CACNA1E: variants seen among roughly 807,000 people sequenced by gnomAD.
CACNA1E encodes the protein voltage-dependent R-type calcium channel subunit alpha-1E.
Under a neutral mutation model 259.2 loss-of-function variants are expected in CACNA1E, and 40 were observed. That is an observed-to-expected ratio of 0.15 (90% CI 0.12 to 0.20). CACNA1E has a LOEUF of 0.20. Ranked by LOEUF, CACNA1E falls within the 10% of genes least tolerant of loss-of-function variation. CACNA1E has a pLI of 1.00. For missense variants in CACNA1E, 1,874 were observed against 3,040.1 expected (o/e 0.62, Z 9.02); for synonymous variants, 1,104 against 1,138.5 (o/e 0.97, Z 0.61).
intron 3 of CACNA1E, among the ~76,000 whole-genome samples, chr1:181,564,080 C>G (rs1359307776): frequency 6.6e-6 from 1 of 152,138 alleles, no homozygotes; most frequent in Non-Finnish European, 1.5e-5. Flanking sequence ...TAGCTGCTGA[C>G]TGATTAGGGT....
intron 3 of CACNA1E, among the ~76,000 whole-genome samples, chr1:181,544,736 G>T (rs868141146): frequency 3.3e-5 from 5 of 152,162 alleles, no homozygotes; most frequent in Non-Finnish European, 5.9e-5. Context: ...TGGACATGGT[G>T]GGGAAGCAGC....
intron 6 of CACNA1E, among the ~76,000 whole-genome samples, chr1:181,589,023 T>C (rs1187956392): frequency 6.6e-6 from 1 of 152,252 alleles, no homozygotes; most frequent in Non-Finnish European, 1.5e-5. Context: ...CGAAGACTTA[T>C]GAGCAATTTT....
At chr1:181,544,694 A>G (rs1050856818) in intron 3 of CACNA1E, among the ~76,000 whole-genome samples, 3 of 151,982 alleles carry the variant, frequency 2.0e-5, no homozygotes, top group African/African-American at 7.3e-5. Context: ...ATAAATGTTT[A>G]TTGTTGTTCT....
chr1:181,383,220 T>C (rs2102004424), intron 1 of CACNA1E, among the ~76,000 whole-genome samples: 1 of 152,336 alleles, frequency 6.6e-6, no homozygotes, highest in African/African-American at 2.4e-5. Flanking sequence ...TTTCCTTGAG[T>C]TATAGTGTCT....
chr1:181,569,464 G>T (rs1200081104), intron 3 of CACNA1E, among the ~76,000 whole-genome samples: 1 of 152,186 alleles, frequency 6.6e-6, no homozygotes, highest in Non-Finnish European at 1.5e-5. Context: ...ATCTCTATGT[G>T]AACAGTTTAA....
At chr1:181,542,051 C>T (rs1668623572) in intron 3 of CACNA1E, among the ~76,000 whole-genome samples, 1 of 152,156 alleles carries the variant, frequency 6.6e-6, no homozygotes, top group Admixed American at 6.5e-5. Flanking sequence ...TGAGGACACT[C>T]AAGGAGCCCT....
intron 7 of CACNA1E, among the ~76,000 whole-genome samples, chr1:181,690,635 G>A (rs940980783): frequency 2.6e-5 from 4 of 152,098 alleles, no homozygotes; most frequent in African/African-American, 9.7e-5. Context: ...ATTTGTTTGT[G>A]TCCTCTCTTA....
chr1:181,464,649 A>G (rs532958389), intron 2 of CACNA1E, among the ~76,000 whole-genome samples: 1 of 150,046 alleles, frequency 6.7e-6, no homozygotes, highest in South Asian at 2.1e-4. Flanking sequence ...TGCAGGCAGC[A>G]TCACCTGTGA....
intron 38 of CACNA1E, among the ~76,000 whole-genome samples, chr1:181,780,941 G>A (rs541740774): frequency 6.6e-6 from 1 of 152,190 alleles, no homozygotes; most frequent in Non-Finnish European, 1.5e-5. Context: ...CAGCGCCCCA[G>A]CCGGGGTCAG....
intron 6 of CACNA1E, among the ~76,000 whole-genome samples, chr1:181,641,104 C>T (rs1657705649): frequency 6.6e-6 from 1 of 152,198 alleles, no homozygotes; most frequent in African/African-American, 2.4e-5. Context: ...GAACTGTTTT[C>T]CTTTCTCATT....
intron 1 of CACNA1E, among the ~76,000 whole-genome samples, chr1:181,333,681 AG>A (rs1484107796): frequency 6.6e-6 from 1 of 150,766 alleles, no homozygotes; most frequent in Non-Finnish European, 1.5e-5. Flanking sequence ...TTTGAGACGG[AG>A]TCTCACTCTG....
chr1:181,607,947 T>A (rs1481525304), intron 6 of CACNA1E, among the ~76,000 whole-genome samples: 1 of 152,152 alleles, frequency 6.6e-6, no homozygotes, highest in Non-Finnish European at 1.5e-5. Context: ...GAAGCCATAC[T>A]TAGACCCTGG....
At chr1:181,419,546 C>T (rs184975605) in intron 2 of CACNA1E, among the ~76,000 whole-genome samples, 39 of 152,316 alleles carry the variant, frequency 2.6e-4, no homozygotes, top group Middle Eastern at 3.4e-3. Context: ...GTTTCCCCAA[C>T]GGACACACAA....
chr1:181,790,460 A>C lies in CACNA1E; in HGVS notation c.5802A>C (p.Gly1934=), dbSNP rs1414080367. 4.3e-6 allele frequency: 7 copies of C among 1,612,000 alleles called. No homozygotes were observed. Among genetic ancestry groups the C allele is most frequent in the Non-Finnish European group, 5.9e-6 (7 of 1,178,172 alleles). ...TGCTTTTCAGGAGTGGCCGGAGTGG[A>C]TACCCTTCGATGAGTCCACTCTCTC... ...DPVSGLSGRS[G]YPSMSPLSPQ... Residue 1934 remains glycine, a synonymous_variant, in exon 44 of 48, where the codon GGA becomes GGC. Coordinates refer to ENST00000367573, the MANE Select transcript of CACNA1E (RefSeq NM_001205293.3).
chr1:181,491,791 T>C (rs572130655), intron 1 of CACNA1E, among the ~76,000 whole-genome samples: 2 of 152,362 alleles, frequency 1.3e-5, no homozygotes, highest in African/African-American at 4.8e-5. Flanking sequence ...CATGCACCCA[T>C]TTAATTCCAG....
At chr1:181,336,131 C>T (rs1553230207) in intron 1 of CACNA1E, among the ~76,000 whole-genome samples, 1 of 152,136 alleles carries the variant, frequency 6.6e-6, no homozygotes, top group Non-Finnish European at 1.5e-5. Flanking sequence ...AACATTTGCT[C>T]GTACAGTGAG....
intron 6 of CACNA1E, among the ~76,000 whole-genome samples, chr1:181,635,134 A>G (rs1255772543): frequency 1.3e-5 from 2 of 152,220 alleles, no homozygotes; most frequent in Non-Finnish European, 2.9e-5. Context: ...CCTTTCCAGG[A>G]GCCCTACTGG....
At chr1:181,701,373 G>A (rs913044262) in intron 7 of CACNA1E, among the ~76,000 whole-genome samples, 6 of 152,192 alleles carry the variant, frequency 3.9e-5, no homozygotes, top group African/African-American at 1.4e-4. Flanking sequence ...TTAGAGTGCT[G>A]TGGGGGGTGT....
intron 43 of CACNA1E, among the ~76,000 whole-genome samples, chr1:181,788,304 C>A (rs1661015029): frequency 6.6e-6 from 1 of 152,144 alleles, no homozygotes. Context: ...GAACAGCAGG[C>A]TGGTTCCTCA....
Sources: gnomAD v4.1 joint callset for allele counts (sites outside exome capture counted in the v4.1 genomes callset) on GRCh38, gnomAD v4.1.1 for gene constraint, MANE v1.5 for transcripts, NCBI Gene and HGNC (gene_info 2026-07-23, HGNC 2026-07-21) for gene names.